Variants in AFF3 observed in about 807,000 individuals in gnomAD.
The protein encoded by AFF3 is AF4/FMR2 family member 3.
Under a neutral mutation model 129.7 loss-of-function variants are expected in AFF3, and 32 were observed. That is an observed-to-expected ratio of 0.25 (90% CI 0.19 to 0.33). AFF3 has a LOEUF of 0.33. Among genes scored for constraint, AFF3 ranks in the 10% least tolerant of loss-of-function variants. The probability of loss-of-function intolerance (pLI) is 1.00; values close to 1 mark genes in which losing one functional copy is unlikely to be tolerated. For synonymous variants in AFF3, 644 were observed against 635.4 expected (o/e 1.01, Z -0.20); for missense variants, 1,373 against 1,592.0 (o/e 0.86, Z 2.34).
At chr2:99,835,091 A>G (rs1688764572) in intron 8 of AFF3, among the ~76,000 whole-genome samples, 1 of 152,080 alleles carries the variant, frequency 6.6e-6, no homozygotes, top group African/African-American at 2.4e-5. Context: ...AATGTTTCCC[A>G]TGGCCGTAAG....
At chr2:99,909,052 G>A (rs1694929514) in intron 7 of AFF3, among the ~76,000 whole-genome samples, 1 of 151,994 alleles carries the variant, frequency 6.6e-6, no homozygotes, top group South Asian at 2.1e-4. Context: ...GTTTACTGTG[G>A]CACTATTCAC....
At chr2:99,967,046 A>T (rs956303232) in intron 7 of AFF3, among the ~76,000 whole-genome samples, 9 of 152,124 alleles carry the variant, frequency 5.9e-5, no homozygotes, top group African/African-American at 2.2e-4. Flanking sequence ...CTATGTCCTG[A>T]TGACATCACT....
chr2:99,668,570 GT>G (rs916817706), intron 12 of AFF3, among the ~76,000 whole-genome samples: 13 of 146,610 alleles, frequency 8.9e-5, no homozygotes, highest in African/African-American at 2.5e-4. Flanking sequence ...TTTTTGTTTT[GT>G]TTTTTTTTCG....
At chr2:99,723,930 C>T (rs534594058) in intron 11 of AFF3, among the ~76,000 whole-genome samples, 3 of 152,138 alleles carry the variant, frequency 2.0e-5, no homozygotes, top group African/African-American at 4.8e-5. Context: ...AGGAGACGGT[C>T]ACCTACAAGC....
intron 8 of AFF3, among the ~76,000 whole-genome samples, chr2:99,820,564 A>T (rs188172326): frequency 2.0e-5 from 3 of 151,270 alleles, no homozygotes; most frequent in Admixed American, 2.0e-4. Context: ...TAAATTAATA[A>T]AAATATTTTT....
chr2:100,009,976 G>C (rs530445777), intron 4 of AFF3, among the ~76,000 whole-genome samples: 1 of 152,136 alleles, frequency 6.6e-6, no homozygotes, highest in Non-Finnish European at 1.5e-5. Flanking sequence ...CTCCCACTTG[G>C]TCTAGTGGGC....
chr2:100,044,521 T>C (rs1345930174), intron 4 of AFF3, among the ~76,000 whole-genome samples: 3 of 152,022 alleles, frequency 2.0e-5, no homozygotes, highest in Non-Finnish European at 4.4e-5. Flanking sequence ...TAAGTTGACT[T>C]TCCTGTCCCA....
intron 7 of AFF3, 114 bp from the exon 8 acceptor site, chr2:99,837,638 T>G: frequency 1.1e-6 from 1 of 900,940 alleles, no homozygotes. Flanking sequence ...GAGTTACAGG[T>G]TGAGGGGATG....
intron 11 of AFF3, among the ~76,000 whole-genome samples, chr2:99,695,625 G>A (rs1676137193): frequency 6.6e-6 from 1 of 152,106 alleles, no homozygotes; most frequent in South Asian, 2.1e-4. Flanking sequence ...GGGAGGGGCC[G>A]CCCTTCCCTA....
At chr2:99,809,346 G>T (rs141770581) in intron 8 of AFF3, among the ~76,000 whole-genome samples, 1 of 152,200 alleles carries the variant, frequency 6.6e-6, no homozygotes. Context: ...CCCTCAACGC[G>T]GGGGGCTGGC....
intron 7 of AFF3, among the ~76,000 whole-genome samples, chr2:99,986,954 G>T (rs947598939): frequency 3.9e-5 from 6 of 152,196 alleles, no homozygotes; most frequent in African/African-American, 1.4e-4. Context: ...GATAAAACAT[G>T]CAGGGTGCTC....
chr2:99,854,873 T>C (rs1690408762), intron 7 of AFF3, among the ~76,000 whole-genome samples: 2 of 152,196 alleles, frequency 1.3e-5, no homozygotes, highest in African/African-American at 4.8e-5. Flanking sequence ...TGAAAATGAT[T>C]TGTCAAAAGG....
chr2:99,919,072 T>C (rs1448492110), intron 7 of AFF3, among the ~76,000 whole-genome samples: 1 of 152,142 alleles, frequency 6.6e-6, no homozygotes, highest in Non-Finnish European at 1.5e-5. Context: ...CTCATTTTTA[T>C]GAATATAGAC....
chr2:99,584,233 C>T (rs887101885), intron 16 of AFF3, among the ~76,000 whole-genome samples: 2 of 151,412 alleles, frequency 1.3e-5, no homozygotes, highest in Non-Finnish European at 2.9e-5. Flanking sequence ...TTTGGGAGGC[C>T]AAGGTGGGCG....
chr2:100,021,663 C>G lies in AFF3; in HGVS notation c.54-12731G>C, dbSNP rs929057573. On this transcript the variant is annotated intron_variant, in intron 4 of 24. Transcript: ENST00000672756. ...CAAACCTCCTTATTTATACAAAACA[C>G]AAACTTTTAATAAAAGGATATAAAT... 3.3e-5 allele frequency among the ~76,000 whole-genome samples: 5 copies of G among 152,196 alleles called. No homozygotes were observed. The East Asian group carries it at 7.7e-4, about 24-fold the overall frequency.
At chr2:99,749,865 G>A (rs1176201607) in intron 9 of AFF3, among the ~76,000 whole-genome samples, 1 of 152,166 alleles carries the variant, frequency 6.6e-6, no homozygotes, top group African/African-American at 2.4e-5. Flanking sequence ...AGACAGTCCG[G>A]AGACAAATCC....
chr2:99,986,614 AAT>A (rs1276587227), intron 7 of AFF3, among the ~76,000 whole-genome samples: 1 of 152,168 alleles, frequency 6.6e-6, no homozygotes, highest in Non-Finnish European at 1.5e-5. Context: ...TTTTCAGTCA[AAT>A]GTGGTTCTAA....
intron 4 of AFF3, among the ~76,000 whole-genome samples, chr2:100,068,510 G>C (rs1314437294): frequency 6.6e-6 from 1 of 152,178 alleles, no homozygotes; most frequent in African/African-American, 2.4e-5. Flanking sequence ...AGCCTCAGTT[G>C]GAAGAGGATG....
intron 4 of AFF3, among the ~76,000 whole-genome samples, chr2:100,085,690 T>C (rs1689366453): frequency 1.3e-5 from 2 of 151,766 alleles, no homozygotes; most frequent in South Asian, 2.1e-4. Flanking sequence ...CTGCTGTACA[T>C]TGAGGGAGGT....
Sources: gnomAD v4.1 joint callset for allele counts (sites outside exome capture counted in the v4.1 genomes callset) on GRCh38, gnomAD v4.1.1 for gene constraint, MANE v1.5 for transcripts, NCBI Gene and HGNC (gene_info 2026-07-23, HGNC 2026-07-21) for gene names.